The following ZNF236 variants were observed in gnomAD, a reference collection of about 807,000 sequenced individuals.
The protein encoded by ZNF236 is zinc finger protein 236, also known as regulated by glucose.
Under a neutral mutation model 191.2 loss-of-function variants are expected in ZNF236, and 50 were observed. That is an observed-to-expected ratio of 0.26 (90% confidence interval 0.21 to 0.33). The LOEUF is 0.33. Among genes scored for constraint, ZNF236 ranks in the 10% least tolerant of loss-of-function variants. The pLI is 1.00. For synonymous variants in ZNF236, 907 were observed against 928.8 expected, an observed-to-expected ratio of 0.98 and a Z score of 0.43; for missense variants, 1,754 against 2,374.5, an observed-to-expected ratio of 0.74 and a Z score of 5.43.
intron 26 of ZNF236, among the ~76,000 whole-genome samples, chr18:76,941,758 C>G (rs921710890): frequency 3.3e-5 from 5 of 152,150 alleles, no homozygotes; most frequent in Non-Finnish European, 7.4e-5. Flanking sequence ...AAAAAATTAT[C>G]AAATACAAAA....
At chr18:76,965,051 C>T (rs775946742) in intron 30 of ZNF236, among the ~76,000 whole-genome samples, 1 of 152,162 alleles carries the variant, frequency 6.6e-6, no homozygotes, top group African/African-American at 2.4e-5. Context: ...ACATAATCCC[C>T]AGACTTCTTG....
At position 76,899,131 on chromosome 18, in the gene ZNF236, C is replaced by T; in HGVS notation, c.1803C>T (p.His601=). The change falls in exon 11 of 31, where the codon CAC becomes CAT. Residue 601 remains histidine, a synonymous_variant. Coordinates refer to ENST00000320610, the MANE Select transcript of ZNF236 (RefSeq NM_001306089.2). ...FKHTELRKMR[H]QRKPAKVRVG... ...ATACGGAATTAAGGAAAATGAGGCA[C>T]CAGCGTAAACCTGCAAAGGTCCGTG... 4 of 1,614,148 alleles carry T rather than the reference C, an allele frequency of 2.5e-6. No homozygotes were observed. The highest frequency in any genetic ancestry group is 3.4e-6 in the Non-Finnish European group (4 of 1,180,012).
At chr18:76,918,643 T>C (rs1967444891) in intron 19 of ZNF236, among the ~76,000 whole-genome samples, 1 of 151,858 alleles carries the variant, frequency 6.6e-6, no homozygotes, top group Non-Finnish European at 1.5e-5. Flanking sequence ...GCCTAGGAGG[T>C]CTTGAACTTC....
chr18:76,926,169 T>C (rs1217988943), intron 22 of ZNF236, among the ~76,000 whole-genome samples: 2 of 152,240 alleles, frequency 1.3e-5, no homozygotes, highest in East Asian at 3.8e-4. Context: ...GCAATATGAG[T>C]ATCCATTTCA....
At chr18:76,921,413 G>A (rs894266838) in intron 20 of ZNF236, among the ~76,000 whole-genome samples, 1 of 152,186 alleles carries the variant, frequency 6.6e-6, no homozygotes, top group African/African-American at 2.4e-5. Context: ...CTAAGGAGAG[G>A]AGGAGCTAAG....
chr18:76,864,496 G>A lies in ZNF236; in HGVS notation c.364-4189G>A, dbSNP rs370265184. 5.1e-4 allele frequency among the ~76,000 whole-genome samples: 78 copies of A among 151,920 alleles called. 2 individuals carry two copies. The South Asian group carries it at 0.014, about 28-fold the overall frequency. On this transcript the variant is annotated intron_variant, in intron 3 of 30. Coordinates refer to ENST00000320610, the MANE Select transcript of ZNF236 (RefSeq NM_001306089.2). ...ATTACAGGCGTGAGCCACCGCACCT[G>A]GCCAACAAATATTTACACACACATA...
chr18:76,968,899 C>A lies in ZNF236; in HGVS notation c.*560C>A. The A allele has an allele frequency of 1.0e-6, 1 of 985,150 alleles. No homozygotes were observed. Among genetic ancestry groups the A allele is most frequent in the Non-Finnish European group, 1.2e-6 (1 of 829,850 alleles). The allele number at this position is 985,150 out of a possible 1,614,324, so 61.0% of individuals were successfully genotyped here. On this transcript the variant is annotated 3_prime_UTR_variant, in exon 31 of 31. Coordinates refer to ENST00000320610, the MANE Select transcript of ZNF236 (RefSeq NM_001306089.2). ...CTACCATAAGTTAATATAACTGATA[C>A]CTTGAGAGATGGCTGGACCAATTCT...
intron 28 of ZNF236, among the ~76,000 whole-genome samples, chr18:76,958,825 C>T (rs1325525273): frequency 6.6e-6 from 1 of 152,198 alleles, no homozygotes; most frequent in Non-Finnish European, 1.5e-5. Context: ...CACCCACCTC[C>T]CAGACTGTGC....
At position 76,895,079 on chromosome 18, in the gene ZNF236, A is replaced by G; in HGVS notation, c.1484A>G (p.Lys495Arg). The G allele has an allele frequency of 6.2e-7, 1 of 1,611,924 alleles. No homozygotes were observed. Among genetic ancestry groups the G allele is most frequent in the African/African-American group, 1.3e-5 (1 of 75,068 alleles). ...VCPYCAKEFR[K>R]PSDLVRHIRI... ...CCCTACTGCGCCAAGGAGTTCCGCA[A>G]GCCCAGCGACCTGGTCCGCCACATC... Residue 495 changes from lysine (K) to arginine (R), a missense_variant, in exon 10 of 31, where the codon AAG becomes AGG. Transcript: ENST00000320610.
At chr18:76,870,874 G>C (rs902044649) in intron 4 of ZNF236, among the ~76,000 whole-genome samples, 1 of 152,190 alleles carries the variant, frequency 6.6e-6, no homozygotes, top group African/African-American at 2.4e-5. Context: ...CCATGAGTGA[G>C]ATGGGAGTCC....
chr18:76,925,417 C>T lies in ZNF236; in HGVS notation c.3890C>T (p.Pro1297Leu). 2 of 1,614,238 alleles carry T rather than the reference C, an allele frequency of 1.2e-6. No individual in the cohort carries two copies. The highest frequency in any genetic ancestry group is 1.7e-6 in the Non-Finnish European group (2 of 1,180,042). Residue 1297 changes from proline to leucine, a missense_variant, in exon 22 of 31, where the codon CCT becomes CTT. Physicochemically the swap from Pro to Leu is moderately conservative, Grantham distance 98. This residue lies in a region of ZNF236 where 606 missense variants were observed against 761.5 expected (regional missense o/e 0.80). Coordinates refer to ENST00000320610, the MANE Select transcript of ZNF236 (RefSeq NM_001306089.2). This position sits in a 1 kb window ranked among gnomAD's most constrained non-coding sequence, Gnocchi z 5.7. ...CGAAGCTCATCGGAAGGACTGCAGC[C>T]TGTAAACCTCCTCAACTCCTCCTCT... ...MTRSSSEGLQ[P>L]VNLLNSSSTD...
chr18:76,959,540 T>C (rs2122960762), intron 28 of ZNF236, 147 bp from the exon 29 acceptor site: 2 of 927,684 alleles, frequency 2.2e-6, no homozygotes, highest in Non-Finnish European at 3.1e-6. Context: ...ACCGATGCAT[T>C]GAAGTCCTTA....
intron 22 of ZNF236, among the ~76,000 whole-genome samples, chr18:76,926,544 T>G (rs1967682930): frequency 6.6e-6 from 1 of 151,958 alleles, no homozygotes; most frequent in Non-Finnish European, 1.5e-5. Context: ...AATTAGACTG[T>G]GTGTGTATAT....
Position 76,927,075 on chromosome 18 carries a change from C to G in ZNF236, c.4066C>G (p.Leu1356Val). ...GACCGTGTCTCTGACAGATGGGAGCCTGGCTACCCTAGAAGGCATCCAGTT... is the reference window on the plus strand; with the variant it reads ...GACCGTGTCTCTGACAGATGGGAGCGTGGCTACCCTAGAAGGCATCCAGTT... The part of the protein sequence containing the change: ...DLTVSLTDGS[L>V]ATLEGIQLQL... Residue 1356 changes from leucine to valine, a missense_variant, in exon 23 of 31, where the codon CTG (leucine) becomes GTG (valine). Physicochemically the swap from Leu to Val is conservative, Grantham distance 32. Coordinates refer to ENST00000320610, the MANE Select transcript of ZNF236 (RefSeq NM_001306089.2). The surrounding 1 kb of genome is among the most constrained non-coding windows in gnomAD (Gnocchi z 5.4). The G allele has an allele frequency of 6.2e-7, 1 of 1,613,828 alleles. No homozygotes were observed. The highest frequency in any genetic ancestry group is 1.1e-5 in the South Asian group (1 of 91,066).
intron 3 of ZNF236, 117 bp from the exon 4 acceptor site, chr18:76,868,568 A>G (rs1016348516): frequency 1.2e-6 from 1 of 803,084 alleles, no homozygotes; most frequent in African/African-American, 1.8e-5. Flanking sequence ...CAAAATCAAG[A>G]TTAGAGAGAC....
intron 1 of ZNF236, chr18:76,824,453 T>G (rs1974961044): frequency 5.1e-6 from 4 of 780,906 alleles, no homozygotes; most frequent in Non-Finnish European, 9.6e-6. Context: ...GAATTTTGAT[T>G]AATGGTTGAT....
chr18:76,963,770 A>G (rs1968713870), intron 30 of ZNF236, among the ~76,000 whole-genome samples: 2 of 152,188 alleles, frequency 1.3e-5, no homozygotes, highest in Admixed American at 1.3e-4. Context: ...TGGTCTGATC[A>G]GGGTATCTAA....
intron 1 of ZNF236, among the ~76,000 whole-genome samples, chr18:76,823,647 C>T (rs761974455): frequency 1.3e-5 from 2 of 152,208 alleles, no homozygotes; most frequent in Admixed American, 6.5e-5. Flanking sequence ...AGGAGAAAGG[C>T]CCAGAATTTA....
intron 11 of ZNF236, among the ~76,000 whole-genome samples, chr18:76,903,500 A>G (rs1439567134): frequency 6.6e-6 from 1 of 152,206 alleles, no homozygotes. Context: ...CATGCTAATC[A>G]TTGTATAGCA....
Sources: gnomAD v4.1 joint callset for allele counts (sites outside exome capture counted in the v4.1 genomes callset) on GRCh38, gnomAD v4.1.1 for gene constraint, gnomAD v4.1.1 regional missense constraint, Gnocchi (gnomAD v3.1) non-coding constraint, MANE v1.5 for transcripts, NCBI Gene and HGNC (gene_info 2026-07-23, HGNC 2026-07-21) for gene names.